GPR39: variants seen among roughly 807,000 people sequenced by gnomAD.
GPR39 encodes zinc sensing receptor.
A neutral mutation model predicts 18.4 loss-of-function variants in GPR39; 23 were observed. The ratio of observed to expected loss-of-function variants is 1.25; its 90% CI spans 0.90 to 1.77. The LOEUF is 1.77. Among genes scored for constraint, GPR39 ranks in the 40% most tolerant of loss-of-function variants. The pLI is 0.00. For missense variants in GPR39, 647 were observed against 602.4 expected, an observed-to-expected ratio of 1.07 and a Z score of -0.78; for synonymous variants, 280 against 257.9, an observed-to-expected ratio of 1.09 and a Z score of -0.82.
intron 1 of GPR39, among the ~76,000 whole-genome samples, chr2:132,445,118 C>A (rs938870695): frequency 1.3e-5 from 2 of 151,904 alleles, no homozygotes; most frequent in African/African-American, 4.8e-5. Context: ...CATGACTCAT[C>A]ATCCTAACAC....
intron 1 of GPR39, among the ~76,000 whole-genome samples, chr2:132,573,643 C>T (rs1034105529): frequency 2.0e-5 from 3 of 152,022 alleles, no homozygotes; most frequent in Admixed American, 6.6e-5. Context: ...AGATCCATCC[C>T]CCTGGGTCCC....
chr2:132,499,992 T>C (rs1678981485), intron 1 of GPR39, among the ~76,000 whole-genome samples: 1 of 152,186 alleles, frequency 6.6e-6, no homozygotes, highest in South Asian at 2.1e-4. Flanking sequence ...GATGAGTCTT[T>C]AGGGTTTTCT....
chr2:132,535,707 G>T (rs867833785), intron 1 of GPR39, among the ~76,000 whole-genome samples: 87 of 45,252 alleles, frequency 1.9e-3, no homozygotes, highest in East Asian at 7.2e-3. Flanking sequence ...TTTTTTTTTT[G>T]GTTGGTAGGC....
At chr2:132,599,529 T>C (rs1681004171) in intron 1 of GPR39, among the ~76,000 whole-genome samples, 1 of 152,250 alleles carries the variant, frequency 6.6e-6, no homozygotes, top group African/African-American at 2.4e-5. Flanking sequence ...AGTCTTCGCA[T>C]CACTTAGTGT....
At chr2:132,611,090 C>T (rs1681232078) in intron 1 of GPR39, among the ~76,000 whole-genome samples, 2 of 152,176 alleles carry the variant, frequency 1.3e-5, no homozygotes, top group Non-Finnish European at 1.5e-5. Flanking sequence ...TCACTGTGCA[C>T]AATCTGCAGA....
chr2:132,634,823 T>C (rs956625347), intron 1 of GPR39, among the ~76,000 whole-genome samples: 3 of 152,056 alleles, frequency 2.0e-5, no homozygotes, highest in Non-Finnish European at 4.4e-5. Context: ...GTAAACAGGG[T>C]TTTCTGTGTC....
At chr2:132,425,451 C>A (rs2104755223) in intron 1 of GPR39, among the ~76,000 whole-genome samples, 1 of 152,254 alleles carries the variant, frequency 6.6e-6, no homozygotes, top group Admixed American at 6.5e-5. Flanking sequence ...AGGAAAAGCA[C>A]CCTCACTGTG....
intron 1 of GPR39, among the ~76,000 whole-genome samples, chr2:132,508,286 C>T (rs1679172543): frequency 6.6e-6 from 1 of 152,158 alleles, no homozygotes; most frequent in Non-Finnish European, 1.5e-5. Context: ...CACAGTCATC[C>T]TGGTGGTAAG....
intron 1 of GPR39, among the ~76,000 whole-genome samples, chr2:132,468,243 G>C (rs1236901922): frequency 6.6e-6 from 1 of 152,190 alleles, no homozygotes; most frequent in Non-Finnish European, 1.5e-5. Context: ...ACAGTGAACA[G>C]TTTCCTGTCC....
At chr2:132,644,911 AAC>A (rs1231854916) in intron 1 of GPR39, 188 bp from the exon 2 acceptor site, 10 of 626,116 alleles carry the variant, frequency 1.6e-5, no homozygotes, top group Non-Finnish European at 2.5e-5. Context: ...CCGGGTTTGA[AAC>A]AGTGTTAAAT....
intron 1 of GPR39, among the ~76,000 whole-genome samples, chr2:132,471,287 C>T (rs1339895330): frequency 6.6e-6 from 1 of 152,062 alleles, no homozygotes; most frequent in Non-Finnish European, 1.5e-5. Context: ...TATTTGTTGG[C>T]ACCTGCCTGT....
intron 1 of GPR39, among the ~76,000 whole-genome samples, chr2:132,630,078 C>G (rs1424192472): frequency 6.6e-6 from 1 of 152,110 alleles, no homozygotes; most frequent in Non-Finnish European, 1.5e-5. Flanking sequence ...TACCATGAAC[C>G]AGACACTATG....
chr2:132,634,270 TA>T (rs2104873103), intron 1 of GPR39, among the ~76,000 whole-genome samples: 1 of 152,286 alleles, frequency 6.6e-6, no homozygotes, highest in South Asian at 2.1e-4. Flanking sequence ...TGGTCAGCAC[TA>T]TCCCTTCAGT....
chr2:132,454,093 T>C (rs1680677600), intron 1 of GPR39, among the ~76,000 whole-genome samples: 1 of 152,226 alleles, frequency 6.6e-6, no homozygotes, highest in African/African-American at 2.4e-5. Context: ...TTTCATGATA[T>C]TGATTCTTCC....
At chr2:132,582,198 C>T (rs1680635455) in intron 1 of GPR39, among the ~76,000 whole-genome samples, 1 of 152,136 alleles carries the variant, frequency 6.6e-6, no homozygotes, top group Middle Eastern at 3.2e-3. Context: ...GTGGGTTTGG[C>T]GCTGTGCGAT....
intron 1 of GPR39, among the ~76,000 whole-genome samples, chr2:132,638,552 G>T (rs541980562): frequency 3.5e-4 from 53 of 152,318 alleles, no homozygotes; most frequent in African/African-American, 1.2e-3. Context: ...ACTCCTTTGA[G>T]AATTCTGTCT....
At chr2:132,588,493 TG>T (rs1012459638) in intron 1 of GPR39, among the ~76,000 whole-genome samples, 1 of 152,154 alleles carries the variant, frequency 6.6e-6, no homozygotes, top group African/African-American at 2.4e-5. Context: ...ACATGGAGGC[TG>T]GGGGCTGACT....
intron 1 of GPR39, among the ~76,000 whole-genome samples, chr2:132,512,048 CTG>C (rs1417188550): frequency 6.6e-6 from 1 of 152,212 alleles, no homozygotes; most frequent in Admixed American, 6.5e-5. Context: ...GAAGCTGATC[CTG>C]TGTTCACCTG....
At chr2:132,552,863 CATATATATACACAT>C (rs1451478933) in intron 1 of GPR39, among the ~76,000 whole-genome samples, 1 of 134,896 alleles carries the variant, frequency 7.4e-6, no homozygotes, top group African/African-American at 2.8e-5. Flanking sequence ...TATATATATA[CATATATATACACAT>C]ATATATATAC....
Sources: allele counts gnomAD v4.1 joint callset (sites outside exome capture counted in the v4.1 genomes callset), GRCh38; gene constraint gnomAD v4.1.1; transcripts MANE v1.5; gene names NCBI Gene and HGNC (gene_info 2026-07-23, HGNC 2026-07-21).